MALRD1: variants seen among roughly 807,000 people sequenced by gnomAD.
The protein encoded by MALRD1 is MAM and LDL-receptor class A domain-containing protein 1.
MALRD1 carries 247 observed loss-of-function variants against 242.1 expected under a neutral mutation model. The observed-to-expected ratio is 1.02, with a 90% confidence interval of 0.92 to 1.13. The LOEUF (loss-of-function observed/expected upper bound fraction) is 1.13. Ranked by LOEUF, MALRD1 falls within the 50% of genes most tolerant of loss-of-function variation. The probability of loss-of-function intolerance (pLI) is 0.00; values close to 1 mark genes in which losing one functional copy is unlikely to be tolerated. For missense variants in MALRD1, 2,989 were observed against 2,533.1 expected (o/e 1.18, Z -3.86); for synonymous variants, 995 against 866.6 (o/e 1.15, Z -2.60).
At chr10:19,287,712 A>G (rs375447309) in intron 21 of MALRD1, among the ~76,000 whole-genome samples, 2 of 152,266 alleles carry the variant, frequency 1.3e-5, no homozygotes, top group East Asian at 3.9e-4. Flanking sequence ...TTTAAAAACT[A>G]TACCATATAG....
intron 32 of MALRD1, among the ~76,000 whole-genome samples, chr10:19,535,301 T>C (rs1834618104): frequency 6.6e-6 from 1 of 152,122 alleles, no homozygotes; most frequent in Non-Finnish European, 1.5e-5. Flanking sequence ...TGTAGAACAA[T>C]TAATTCTGTG....
intron 18 of MALRD1, among the ~76,000 whole-genome samples, chr10:19,212,507 A>T (rs746248861): frequency 3.9e-4 from 59 of 152,184 alleles, no homozygotes; most frequent in Non-Finnish European, 6.9e-4. Context: ...ATTGATATTT[A>T]GACTGTTTCT....
chr10:19,284,367 C>T (rs1279373552), intron 21 of MALRD1, among the ~76,000 whole-genome samples: 2 of 150,324 alleles, frequency 1.3e-5, no homozygotes, highest in Non-Finnish European at 3.0e-5. Flanking sequence ...CGTCATCTAG[C>T]ATTAGGTATA....
intron 5 of MALRD1, among the ~76,000 whole-genome samples, chr10:19,111,955 A>G (rs1836693900): frequency 6.6e-6 from 1 of 152,168 alleles, no homozygotes; most frequent in Non-Finnish European, 1.5e-5. Flanking sequence ...AATGGCAGAA[A>G]TGTGAGAGAT....
intron 14 of MALRD1, among the ~76,000 whole-genome samples, chr10:19,184,575 G>T (rs1201019351): frequency 2.6e-5 from 4 of 152,062 alleles, no homozygotes; most frequent in African/African-American, 7.2e-5. Flanking sequence ...TTGAAACAGG[G>T]TCTTGGTCTG....
At position 19,696,020 on chromosome 10, in the gene MALRD1, G is replaced by A. The variant is rs548347266; in HGVS notation, c.6314+3466G>A. ...ATTATTACAATTTAAGGTGAGATTT[G>A]GGTGGAGACACAGCTGAACCATATC... is the stretch of plus-strand genomic sequence containing the variant. On this transcript the variant is annotated intron_variant, in intron 38 of 39. Coordinates refer to ENST00000454679, the MANE Select transcript of MALRD1 (RefSeq NM_001142308.3). Among the ~76,000 whole-genome samples the A allele has an allele frequency of 2.6e-5, 4 of 152,150 alleles. No individual in the cohort carries two copies. The South Asian group carries it at 8.3e-4, about 32-fold the overall frequency.
At position 19,352,199 on chromosome 10, in the gene MALRD1, A is replaced by C; in HGVS notation, c.4343A>C (p.Gln1448Pro). 1.4e-5 allele frequency: 21 copies of C among 1,550,520 alleles called. No homozygotes were observed. Among genetic ancestry groups the C allele is most frequent in the Non-Finnish European group, 1.8e-5 (21 of 1,146,926 alleles). Residue 1448 changes from glutamine (Q) to proline (P), a missense_variant, in exon 26 of 40, where the codon CAG becomes CCG. Gln to Pro is a moderately conservative substitution (Grantham distance 76). Coordinates refer to ENST00000454679, the MANE Select transcript of MALRD1 (RefSeq NM_001142308.3). ...TTTGAAGGTAGAGTTGGGAAAGGTC[A>C]GCGTGGAGACATTGCACTTGATGAC... ...LKFEGRVGKG[Q>P]RGDIALDDIV...
At chr10:19,282,797 GTATTTTTTCCTA>G (rs143352319) in intron 20 of MALRD1, among the ~76,000 whole-genome samples, 17,552 of 151,974 alleles carry the variant, frequency 0.12, 1,089 homozygotes, top group Non-Finnish European at 0.13. Context: ...ATTAGTATAT[GTATTTTTTCCTA>G]TATTTTTTCC....
At chr10:19,097,235 G>C (rs958526861) in intron 4 of MALRD1, among the ~76,000 whole-genome samples, 12 of 152,076 alleles carry the variant, frequency 7.9e-5, no homozygotes, top group African/African-American at 2.7e-4. Context: ...TCCCATACCA[G>C]CTTAGACTCT....
chr10:19,367,044 C>T (rs1845140168), intron 26 of MALRD1, among the ~76,000 whole-genome samples: 1 of 152,118 alleles, frequency 6.6e-6, no homozygotes, highest in Non-Finnish European at 1.5e-5. Flanking sequence ...TACTGTAATA[C>T]ATGCAATGTA....
chr10:19,347,859 T>C lies in MALRD1; in HGVS notation c.3990T>C (p.Ala1330=), dbSNP rs1281170489. The stretch of plus-strand genomic sequence containing the variant: ...AGGACTTTGACTGGAACCTGAAAGC[T>C]AGCAGCATCCCTGCAGCAGGCACAG... ...KDEDFDWNLK[A]SSIPAAGTEP... Residue 1330 remains alanine, a synonymous_variant, in exon 25 of 40, where the codon GCT becomes GCC. Transcript: ENST00000454679. 6.5e-7 allele frequency: 1 copy of C among 1,550,288 alleles called. No homozygotes were observed. The highest frequency in any genetic ancestry group is 8.7e-7 in the Non-Finnish European group (1 of 1,146,844).
At chr10:19,119,515 G>A (rs1271075231) in intron 5 of MALRD1, among the ~76,000 whole-genome samples, 1 of 152,162 alleles carries the variant, frequency 6.6e-6, no homozygotes, top group Admixed American at 6.5e-5. Context: ...TGAAATCACA[G>A]GAAGTCGGAG....
intron 4 of MALRD1, among the ~76,000 whole-genome samples, chr10:19,101,113 T>A (rs11008480): frequency 0.033 from 5,029 of 151,664 alleles, 248 homozygotes; most frequent in African/African-American, 0.11. Context: ...TTCCTTATCA[T>A]GTAAGCTATC....
intron 26 of MALRD1, among the ~76,000 whole-genome samples, chr10:19,372,395 T>C (rs1350217276): frequency 6.6e-6 from 1 of 151,972 alleles, no homozygotes; most frequent in Admixed American, 6.6e-5. Flanking sequence ...AATAGAAAGG[T>C]GTTAAAAATG....
chr10:19,509,767 A>C (rs758816854), intron 31 of MALRD1, among the ~76,000 whole-genome samples: 1 of 152,210 alleles, frequency 6.6e-6, no homozygotes, highest in Admixed American at 6.5e-5. Flanking sequence ...GCAGACTACT[A>C]TGATGACTAT....
intron 19 of MALRD1, among the ~76,000 whole-genome samples, chr10:19,263,520 G>A (rs1358487902): frequency 1.3e-5 from 2 of 151,654 alleles, no homozygotes; most frequent in African/African-American, 4.8e-5. Context: ...TGTTTTTGCT[G>A]TTGAGTTGTA....
intron 31 of MALRD1, among the ~76,000 whole-genome samples, chr10:19,505,946 G>A (rs1273061276): frequency 6.6e-6 from 1 of 152,120 alleles, no homozygotes; most frequent in African/African-American, 2.4e-5. Flanking sequence ...ATCATCTAGG[G>A]ACTTAATAAA....
intron 28 of MALRD1, among the ~76,000 whole-genome samples, chr10:19,434,508 A>G (rs1297024438): frequency 1.3e-5 from 2 of 152,012 alleles, no homozygotes; most frequent in Admixed American, 6.6e-5. Context: ...AAATGTTTGC[A>G]GTTTAAAGAA....
At chr10:19,351,347 C>T (rs1259664187) in intron 25 of MALRD1, among the ~76,000 whole-genome samples, 4 of 152,066 alleles carry the variant, frequency 2.6e-5, no homozygotes, top group Admixed American at 2.0e-4. Context: ...TAAATTTCAT[C>T]TATGCAACAT....
Sources: allele counts gnomAD v4.1 joint callset (sites outside exome capture counted in the v4.1 genomes callset), GRCh38; gene constraint gnomAD v4.1.1; transcripts MANE v1.5; gene names NCBI Gene and HGNC (gene_info 2026-07-23, HGNC 2026-07-21).